GALNT13: variants seen among roughly 807,000 people sequenced by gnomAD.
GALNT13 encodes the protein UDP-GalNAc:polypeptide N-acetylgalactosaminyltransferase 13.
In GALNT13, 28 loss-of-function variants were observed where a neutral mutation model predicts 64.2. That is an observed-to-expected ratio of 0.44 (90% CI 0.32 to 0.60). GALNT13 has a LOEUF of 0.60. Ranked by LOEUF, GALNT13 falls within the 20% of genes least tolerant of loss-of-function variation. GALNT13 has a pLI of 0.05. For synonymous variants in GALNT13, 214 were observed against 224.6 expected (o/e 0.95, Z 0.42); for missense variants, 577 against 669.8 (o/e 0.86, Z 1.53).
chr2:154,383,797 T>A lies in GALNT13; in HGVS notation c.1157-12194T>A, dbSNP rs372013578. Reference sequence around the variant, plus strand: ...GCTATATCTATATACAAGAGTAATATAAAATATATATCTGAATAAGTCCAA... The same window carrying A: ...GCTATATCTATATACAAGAGTAATAAAAAATATATATCTGAATAAGTCCAA... On this transcript the variant is annotated intron_variant, in intron 9 of 12. Transcript: ENST00000392825. Among the ~76,000 whole-genome samples the A allele has an allele frequency of 2.8e-4, 42 of 151,946 alleles. 1 individual carries two copies. The East Asian group carries it at 3.7e-3, about 13-fold the overall frequency.
chr2:153,204,553 G>A, the GALNT13 span, among the ~76,000 whole-genome samples: 3 of 152,172 alleles, frequency 2.0e-5, no homozygotes, highest in African/African-American at 4.8e-5. Context: ...AGGCCACACT[G>A]TAACTAATAA....
chr2:153,423,997 T>C, the GALNT13 span, among the ~76,000 whole-genome samples: 12 of 151,436 alleles, frequency 7.9e-5, no homozygotes, highest in African/African-American at 1.9e-4. Context: ...ATTCAAAATA[T>C]ATTATGAAAC....
At chr2:154,456,000 T>C (rs901470355), downstream of GALNT13, among the ~76,000 whole-genome samples, 3 of 152,176 alleles carry the variant, frequency 2.0e-5, no homozygotes, top group Non-Finnish European at 4.4e-5. Context: ...GCTATATCTA[T>C]AATGTTTTTT....
At chr2:153,882,268 C>T (rs980539264) in intron 1 of GALNT13, among the ~76,000 whole-genome samples, 1 of 151,580 alleles carries the variant, frequency 6.6e-6, no homozygotes, top group African/African-American at 2.4e-5. Flanking sequence ...GCCTGAGGCT[C>T]AATAATGCTG....
chr2:153,972,791 T>G (rs374847468), intron 3 of GALNT13, among the ~76,000 whole-genome samples: 5 of 152,236 alleles, frequency 3.3e-5, no homozygotes, highest in Admixed American at 6.5e-5. Context: ...AAGGTATTTC[T>G]TCCTTTAATG....
rs1689570125 is a variant in GALNT13 at position 154,242,838 on chromosome 2, C to G, written c.619C>G (p.Leu207Val). ...TTCAAAAGGGCAGGTCATAACTTTT[C>G]TTGATGCACACTGTGAATGCACGTT... ...AASKGQVITF[L>V]DAHCECTLGW... is the part of the protein sequence containing the mutation. Residue 207 changes from leucine to valine, a missense_variant, in exon 6 of 13, where the codon CTT becomes GTT. Coordinates refer to ENST00000392825, the MANE Select transcript of GALNT13 (RefSeq NM_052917.4). 6.2e-7 allele frequency: 1 copy of G among 1,614,006 alleles called. No individual in the cohort carries two copies. The highest frequency in any genetic ancestry group is 1.7e-5 in the Admixed American group (1 of 60,002).
At chr2:153,801,771 T>C in the GALNT13 span, among the ~76,000 whole-genome samples, 133 of 152,268 alleles carry the variant, frequency 8.7e-4, no homozygotes, top group African/African-American at 3.1e-3. Context: ...CCACAAACTG[T>C]CAATTTATGA....
intron 2 of GALNT13, among the ~76,000 whole-genome samples, chr2:153,906,592 T>C (rs1455668696): frequency 3.3e-5 from 5 of 152,126 alleles, no homozygotes; most frequent in African/African-American, 1.2e-4. Context: ...TTTTTATGGC[T>C]GCATAGTATT....
At chr2:153,565,486 GTA>G in the GALNT13 span, among the ~76,000 whole-genome samples, 1 of 152,134 alleles carries the variant, frequency 6.6e-6, no homozygotes, top group South Asian at 2.1e-4. Flanking sequence ...ATGCGTGTGT[GTA>G]TGTTTGTGTT....
chr2:153,346,061 A>G, the GALNT13 span, among the ~76,000 whole-genome samples: 125,715 of 151,878 alleles, frequency 0.83, 52,928 homozygotes, highest in African/African-American at 0.9. Context: ...TGCAACCTCC[A>G]CCTCCCCAAG....
chr2:154,234,390 T>G (rs755485586), intron 4 of GALNT13, among the ~76,000 whole-genome samples: 12 of 152,122 alleles, frequency 7.9e-5, no homozygotes, highest in Non-Finnish European at 1.3e-4. Flanking sequence ...GCAGTTTTAC[T>G]CTAATTTAGG....
the GALNT13 span, among the ~76,000 whole-genome samples, chr2:153,150,352 C>T: frequency 1.3e-5 from 2 of 151,844 alleles, no homozygotes; most frequent in African/African-American, 4.8e-5. Context: ...TGTTGGAGTT[C>T]ATTGTAGATT....
the GALNT13 span, among the ~76,000 whole-genome samples, chr2:153,714,186 T>G: frequency 2.6e-5 from 4 of 152,180 alleles, no homozygotes; most frequent in Non-Finnish European, 5.9e-5. Flanking sequence ...TCTTTTTCAT[T>G]TAGAATTGAT....
the GALNT13 span, among the ~76,000 whole-genome samples, chr2:153,096,782 C>A: frequency 6.6e-6 from 1 of 152,000 alleles, no homozygotes; most frequent in Non-Finnish European, 1.5e-5. Flanking sequence ...TTATTATAGC[C>A]AACAGATTAA....
the GALNT13 span, among the ~76,000 whole-genome samples, chr2:153,605,286 T>C: frequency 0.49 from 74,122 of 151,906 alleles, 19,414 homozygotes; most frequent in African/African-American, 0.68. Flanking sequence ...TGATTGACTC[T>C]AGACCAAAAT....
intron 2 of GALNT13, among the ~76,000 whole-genome samples, chr2:153,917,116 G>A (rs957499553): frequency 1.4e-5 from 2 of 141,014 alleles, no homozygotes; most frequent in Admixed American, 7.1e-5. Flanking sequence ...TTAAAACACC[G>A]TAATTCTGTG....
At chr2:153,594,158 CT>C in the GALNT13 span, among the ~76,000 whole-genome samples, 1 of 152,002 alleles carries the variant, frequency 6.6e-6, no homozygotes, top group Non-Finnish European at 1.5e-5. Flanking sequence ...AACATTTCCC[CT>C]GAATGTTTAT....
the GALNT13 span, among the ~76,000 whole-genome samples, chr2:153,719,636 T>C: frequency 6.6e-6 from 1 of 152,260 alleles, no homozygotes; most frequent in South Asian, 2.1e-4. Context: ...GGGCAAGGCA[T>C]TGCCTCACCT....
At chr2:154,186,046 C>T (rs1475201254) in intron 4 of GALNT13, among the ~76,000 whole-genome samples, 1 of 151,972 alleles carries the variant, frequency 6.6e-6, no homozygotes, top group Non-Finnish European at 1.5e-5. Context: ...AATAGCATCA[C>T]CAATCTCATC....
Sources: gnomAD v4.1 joint callset for allele counts (sites outside exome capture counted in the v4.1 genomes callset) on GRCh38, gnomAD v4.1.1 for gene constraint, MANE v1.5 for transcripts, NCBI Gene and HGNC (gene_info 2026-07-23, HGNC 2026-07-21) for gene names.